CHL1: variants seen among roughly 807,000 people sequenced by gnomAD.
CHL1 encodes cell adhesion molecule L1 like.
In CHL1, 96 loss-of-function variants were observed where a neutral mutation model predicts 141.9. That is an observed-to-expected ratio of 0.68 (90% confidence interval 0.57 to 0.80). The LOEUF (loss-of-function observed/expected upper bound fraction) is 0.80, where lower values mean the gene tolerates loss of function less well. CHL1 is among the 30% of genes least tolerant of loss of function. The pLI, the probability that CHL1 is intolerant of heterozygous loss-of-function variation, is 0.00. For synonymous variants in CHL1, 613 were observed against 502.2 expected (o/e 1.22, Z -2.95); for missense variants, 1,820 against 1,457.2 (o/e 1.25, Z -4.05).
chr3:261,304 TAGAG>T (rs1694699243), intron 2 of CHL1, among the ~76,000 whole-genome samples: 1 of 146,580 alleles, frequency 6.8e-6, no homozygotes, highest in South Asian at 2.2e-4. Context: ...AAGAGCAAAA[TAGAG>T]GGAGGGAAGA....
At chr3:329,108 C>A (rs1701240040) in intron 5 of CHL1, among the ~76,000 whole-genome samples, 1 of 152,028 alleles carries the variant, frequency 6.6e-6, no homozygotes, top group Non-Finnish European at 1.5e-5. Context: ...AGCTTATTTG[C>A]CCTATGTGCA....
intron 12 of CHL1, among the ~76,000 whole-genome samples, chr3:360,674 T>C (rs2125258383): frequency 6.6e-6 from 1 of 150,822 alleles, no homozygotes; most frequent in South Asian, 2.1e-4. Context: ...TGTGCCATGC[T>C]GGTGCGCTGC....
chr3:197,764 G>T (rs1187395413), intron 1 of CHL1: 1 of 455,734 alleles, frequency 2.2e-6, no homozygotes. Flanking sequence ...GCGAGAGGGC[G>T]CGCCGGGGGC....
chr3:321,962 T>C (rs1310503094), intron 3 of CHL1, among the ~76,000 whole-genome samples: 1 of 152,106 alleles, frequency 6.6e-6, no homozygotes, highest in Non-Finnish European at 1.5e-5. Context: ...TAATTAGTTA[T>C]TGCTGAGCCT....
chr3:285,387 A>C lies in CHL1; in HGVS notation c.-94-34296A>C, dbSNP rs1478948470. On this transcript the variant is annotated intron_variant, in intron 2 of 27. Coordinates refer to ENST00000256509, the MANE Select transcript of CHL1 (RefSeq NM_006614.4). ...TAAAAGTAGTGTCACCAGAGGAGCC[A>C]ATGTATATTTTTATACTGCAATTAA... Among the ~76,000 whole-genome samples, 5 of 152,232 alleles carry C rather than the reference A, an allele frequency of 3.3e-5. No individual in the cohort carries two copies. The South Asian group carries it at 6.2e-4, about 19-fold the overall frequency.
At chr3:400,472 C>A (rs1358344400) in intron 26 of CHL1, among the ~76,000 whole-genome samples, 2 of 30,402 alleles carry the variant, frequency 6.6e-5, no homozygotes, top group African/African-American at 1.1e-4. Flanking sequence ...TCAAATCATG[C>A]CCTAAAAAGA....
At position 311,751 on chromosome 3, in the gene CHL1, G is replaced by A. The variant is rs138813344; in HGVS notation, c.-94-7932G>A. Among the ~76,000 whole-genome samples, 176 of 152,316 alleles carry A rather than the reference G, an allele frequency of 1.2e-3. 1 individual carries two copies. In the South Asian group the frequency reaches 0.018, roughly 16 times the overall value. ...AGTGGTTACCTGGATTTATACATAT[G>A]TAAAAGTTTGCTGAGCTGTACACTT... is the stretch of plus-strand genomic sequence containing the variant. On this transcript the variant is annotated intron_variant, in intron 2 of 27. Coordinates refer to ENST00000256509, the MANE Select transcript of CHL1 (RefSeq NM_006614.4).
At chr3:242,196 T>A (rs886462227) in intron 1 of CHL1, among the ~76,000 whole-genome samples, 12 of 152,162 alleles carry the variant, frequency 7.9e-5, no homozygotes, top group Non-Finnish European at 1.2e-4. Context: ...TATATATATG[T>A]GTGTGTATAT....
chr3:346,377 C>T lies in CHL1; in HGVS notation c.848+1668C>T, dbSNP rs73817639. On this transcript the variant is annotated intron_variant, in intron 9 of 27. Transcript: ENST00000256509. ...ATCATGATGGCAACAACCTGCTCTA[C>T]TGGTTGTATTTGTACATGTTTACAG... 2.9e-3 allele frequency among the ~76,000 whole-genome samples: 441 copies of T among 152,288 alleles called. 2 individuals carry two copies. The highest frequency in any genetic ancestry group is 9.9e-3 in the African/African-American group (413 of 41,552).
chr3:405,343 G>T (rs17038734), intron 27 of CHL1, 152 bp from the exon 28 acceptor site: 1 of 580,708 alleles, frequency 1.7e-6, no homozygotes, highest in Non-Finnish European at 3.0e-6. Flanking sequence ...GTAAACATTT[G>T]TGGTAGTATC....
rs376621764 is a variant in CHL1 at position 344,706 on chromosome 3, G to C, written c.845G>C (p.Gly282Ala). 1.7e-5 allele frequency: 28 copies of C among 1,613,360 alleles called. No individual in the cohort carries two copies. The highest frequency in any genetic ancestry group is 2.2e-5 in the Non-Finnish European group (26 of 1,179,746). The stretch of plus-strand genomic sequence containing the variant: ...TTGCTGCTTGAGTGTTTTGCTGAAG[G>C]CTTGTGAGTAACCTGACTCTCACTC... ...EILLLECFAE[G>A]LPTPQVDWNK... Residue 282 changes from glycine to alanine, a missense_variant, in exon 9 of 28, where the codon GGC (glycine) becomes GCC (alanine). By Grantham distance (60) the Gly-to-Ala change is moderately conservative (BLOSUM62 0). Coordinates refer to ENST00000256509, the MANE Select transcript of CHL1 (RefSeq NM_006614.4).
intron 2 of CHL1, among the ~76,000 whole-genome samples, chr3:251,749 G>A (rs146047786): frequency 9.5e-4 from 144 of 152,132 alleles, no homozygotes; most frequent in African/African-American, 3.2e-3. Flanking sequence ...AATTCCACCC[G>A]TTAGCGATTT....
intron 5 of CHL1, among the ~76,000 whole-genome samples, chr3:329,165 G>C (rs1180384306): frequency 1.3e-5 from 2 of 151,414 alleles, no homozygotes; most frequent in Non-Finnish European, 2.9e-5. Flanking sequence ...TTTTCCCCCT[G>C]TTCTTAATAT....
intron 2 of CHL1, among the ~76,000 whole-genome samples, chr3:296,268 G>A (rs773523640): frequency 6.6e-6 from 1 of 151,886 alleles, no homozygotes; most frequent in African/African-American, 2.4e-5. Context: ...TTTTTATATC[G>A]TTCATCGAAA....
intron 15 of CHL1, among the ~76,000 whole-genome samples, chr3:377,487 T>A (rs952155012): frequency 1.3e-5 from 2 of 152,170 alleles, no homozygotes; most frequent in Admixed American, 1.3e-4. Context: ...TAAGAATTAC[T>A]CAAATATATC....
rs900593377 is a variant in CHL1, at chr3:361,621, C to A, written c.1307-78C>A. The stretch of plus-strand genomic sequence containing the variant: ...CTGTTTTCTGTTTGTATTCGTATGA[C>A]TAGGACATAGAAAAATTTAATTTGC... On this transcript the variant is annotated intron_variant, in intron 12 of 27. Transcript: ENST00000256509. 4.8e-5 allele frequency: 44 copies of A among 924,298 alleles called. No homozygotes were observed. The African/African-American group carries it at 5.4e-4, about 11-fold the overall frequency. The allele number at this position is 924,298 out of a possible 1,614,324, so 57.3% of individuals were successfully genotyped here.
chr3:298,901 C>T (rs559146802), intron 2 of CHL1, among the ~76,000 whole-genome samples: 1 of 152,270 alleles, frequency 6.6e-6, no homozygotes, highest in South Asian at 2.1e-4. Flanking sequence ...CCTTAAATAA[C>T]TTGTGTGACA....
At chr3:244,239 T>A (rs1344809581) in intron 1 of CHL1, among the ~76,000 whole-genome samples, 2 of 152,228 alleles carry the variant, frequency 1.3e-5, no homozygotes, top group South Asian at 4.1e-4. Flanking sequence ...ATCAGACAGA[T>A]GCAAGTAGCT....
chr3:318,512 A>G (rs1048784825), intron 2 of CHL1, among the ~76,000 whole-genome samples: 2 of 151,898 alleles, frequency 1.3e-5, no homozygotes, highest in Admixed American at 1.3e-4. Context: ...CAATGTTTAG[A>G]CATCTATTAA....
Sources: allele counts gnomAD v4.1 joint callset (sites outside exome capture counted in the v4.1 genomes callset), GRCh38; gene constraint gnomAD v4.1.1; transcripts MANE v1.5; gene names NCBI Gene and HGNC (gene_info 2026-07-23, HGNC 2026-07-21).